UPF2: variants seen among roughly 807,000 people sequenced by gnomAD.
UPF2 encodes the protein UPF2 regulator of nonsense mediated mRNA decay.
UPF2 carries 17 observed loss-of-function variants against 141.4 expected under a neutral mutation model. The observed-to-expected ratio is 0.12, with a 90% confidence interval of 0.08 to 0.18. The LOEUF (loss-of-function observed/expected upper bound fraction) is 0.18. UPF2 is among the 10% of genes least tolerant of loss of function. The probability of loss-of-function intolerance (pLI) is 1.00; values close to 1 mark genes in which losing one functional copy is unlikely to be tolerated. For synonymous variants in UPF2, 540 were observed against 498.0 expected, an observed-to-expected ratio of 1.08 and a Z score of -1.12; for missense variants, 1,152 against 1,515.9, an observed-to-expected ratio of 0.76 and a Z score of 3.99.
At position 11,953,299 on chromosome 10, in the gene UPF2, C is replaced by T. The variant is rs557551355; in HGVS notation, c.2851-1050G>A. ...AGAAATGTAGAATCTCAGGCCTCCC[C>T]CTAGGTCAACTGAATCAGAATCTGC... On this transcript the variant is annotated intron_variant, in intron 14 of 21. Transcript: ENST00000357604. The surrounding 1 kb of genome is among the most constrained non-coding windows in gnomAD (Gnocchi z 5.0). 6.6e-6 allele frequency among the ~76,000 whole-genome samples: 1 copy of T among 152,286 alleles called. No homozygotes were observed. Among genetic ancestry groups the T allele is most frequent in the Non-Finnish European group, 1.5e-5 (1 of 68,030 alleles).
chr10:12,000,087 G>A, intron 6 of UPF2, 78 bp from the exon 7 acceptor site: 10 of 1,244,238 alleles, frequency 8.0e-6, no homozygotes, highest in East Asian at 2.5e-5. Flanking sequence ...TGAATTATTT[G>A]GAAAATAGAT....
chr10:11,967,700 C>T (rs1833345045), intron 9 of UPF2, among the ~76,000 whole-genome samples: 1 of 151,786 alleles, frequency 6.6e-6, no homozygotes, highest in Non-Finnish European at 1.5e-5. Context: ...CAGGCGCCCA[C>T]CACCACACCC....
At chr10:11,975,473 C>T (rs1375418767) in intron 9 of UPF2, among the ~76,000 whole-genome samples, 1 of 152,044 alleles carries the variant, frequency 6.6e-6, no homozygotes, top group Non-Finnish European at 1.5e-5. Flanking sequence ...TTTTATATCT[C>T]GCTTTTGAAA....
rs1018460740 is a variant in UPF2, at chr10:11,955,319, G to A, written c.2763C>T (p.Leu921=). ...CACATGTGTCCAGAATAGTGCATAC[G>A]AGTCTAATTCTGAAAAGATGCTCAG... The part of the protein sequence containing the change: ...DPPEHLFRIR[L]VCTILDTCGQ... Residue 921 remains leucine (L), a synonymous_variant, in exon 14 of 22, where the codon CTC becomes CTT. Coordinates refer to ENST00000357604, the MANE Select transcript of UPF2 (RefSeq NM_015542.4). 8.1e-6 allele frequency: 13 copies of A among 1,613,982 alleles called. No individual in the cohort carries two copies. Among genetic ancestry groups the A allele is most frequent in the African/African-American group, 1.3e-5 (1 of 74,878 alleles).
intron 8 of UPF2, among the ~76,000 whole-genome samples, chr10:11,994,709 G>T (rs1315684468): frequency 6.6e-6 from 1 of 152,162 alleles, no homozygotes; most frequent in Admixed American, 6.5e-5. Flanking sequence ...AAGAGTGATA[G>T]TTTCCGCCTG....
chr10:11,973,855 C>T (rs565021932), intron 9 of UPF2, among the ~76,000 whole-genome samples: 102 of 152,238 alleles, frequency 6.7e-4, no homozygotes, highest in African/African-American at 2.5e-3. Context: ...TTAGGATTGT[C>T]TTGGCAATGC....
At chr10:12,027,399 T>C (rs1351745490) in intron 3 of UPF2, among the ~76,000 whole-genome samples, 1 of 152,192 alleles carries the variant, frequency 6.6e-6, no homozygotes, top group South Asian at 2.1e-4. Context: ...ACTATTAGCA[T>C]ACTCACAAAT....
At chr10:11,952,443 A>T (rs985092730) in intron 14 of UPF2, among the ~76,000 whole-genome samples, 194 bp from the exon 15 acceptor site, 7 of 146,068 alleles carry the variant, frequency 4.8e-5, no homozygotes, top group African/African-American at 1.8e-4. Flanking sequence ...ACAGGTCTTG[A>T]GCTATTTGGT....
At chr10:11,982,867 C>T (rs965205558) in intron 8 of UPF2, among the ~76,000 whole-genome samples, 1 of 152,122 alleles carries the variant, frequency 6.6e-6, no homozygotes, top group South Asian at 2.1e-4. Flanking sequence ...CGATCCACCC[C>T]CCTCAGCCTC....
In UPF2 at chr10:11,956,146, C is replaced by CA. The variant is rs541233909; in HGVS notation, c.2574+173dup. 0.16 allele frequency among the ~76,000 whole-genome samples: 13,311 copies of CA among 85,286 alleles called. 734 individuals are homozygous for CA. Among genetic ancestry groups the CA allele is most frequent in the Non-Finnish European group, 0.2 (8,767 of 43,230 alleles). 56.0% of individuals were successfully genotyped at this position (85,286 alleles called of 152,430 possible). A position where few individuals can be genotyped will look rare whatever the true frequency, so the allele number is the denominator to read the frequency against. ...TGGGTGACACAGCGAGACTCAGTCT[C>CA]AAAAAAAAAAAAAAAAGAGGAAAGT... On this transcript the variant is annotated intron_variant, in intron 13 of 21. Coordinates refer to ENST00000357604, the MANE Select transcript of UPF2 (RefSeq NM_015542.4). This position sits in a 1 kb window ranked among gnomAD's most constrained non-coding sequence, Gnocchi z 4.2.
intron 10 of UPF2, among the ~76,000 whole-genome samples, chr10:11,966,433 C>T (rs1833320974): frequency 6.6e-6 from 1 of 151,442 alleles, no homozygotes; most frequent in Non-Finnish European, 1.5e-5. Flanking sequence ...TTCTTTTTTT[C>T]TTTTTTTTGA....
chr10:11,999,512 C>CAAAAA (rs1325502291), intron 7 of UPF2, among the ~76,000 whole-genome samples: 5 of 100,360 alleles, frequency 5.0e-5, no homozygotes, highest in African/African-American at 9.9e-5. Flanking sequence ...GACTCCATCT[C>CAAAAA]AAAAAAAAAA....
chr10:11,955,622 G>T, intron 13 of UPF2, 115 bp from the exon 14 acceptor site: 1 of 1,024,482 alleles, frequency 9.8e-7, no homozygotes, highest in Non-Finnish European at 1.4e-6. Flanking sequence ...ACTGAATAGA[G>T]AAATGACAGA....
intron 3 of UPF2, among the ~76,000 whole-genome samples, chr10:12,018,638 G>T (rs531785987): frequency 6.6e-6 from 1 of 151,938 alleles, no homozygotes; most frequent in Non-Finnish European, 1.5e-5. Flanking sequence ...TACAGTCCTA[G>T]CTACTCAGGA....
intron 8 of UPF2, among the ~76,000 whole-genome samples, chr10:11,989,335 T>C (rs1833743138): frequency 6.6e-6 from 1 of 152,186 alleles, no homozygotes; most frequent in Admixed American, 6.5e-5. Flanking sequence ...AATATGAAAA[T>C]GTGCCAGGCA....
At chr10:11,999,498 G>A (rs1440999495) in intron 7 of UPF2, among the ~76,000 whole-genome samples, 1 of 129,478 alleles carries the variant, frequency 7.7e-6, no homozygotes, top group Admixed American at 8.1e-5. Flanking sequence ...AGGCGAAAGA[G>A]TGAGACTCCA....
In UPF2 at chr10:11,936,764, T is replaced by C; in HGVS notation, c.3379-52A>G. 1 of 1,484,572 alleles carries C rather than the reference T, an allele frequency of 6.7e-7. No homozygotes were observed. Among genetic ancestry groups the C allele is most frequent in the South Asian group, 1.4e-5 (1 of 69,806 alleles). The allele number at this position is 1,484,572 out of a possible 1,614,324, so 92.0% of individuals were successfully genotyped here. On this transcript the variant is annotated intron_variant, in intron 18 of 21. Transcript: ENST00000357604. This position sits in a 1 kb window ranked among gnomAD's most constrained non-coding sequence, Gnocchi z 6.6. ...AAACACTCCAAGATATATACGGATA[T>C]ATGTCAATATAAATTGCAAACTCAT...
At chr10:12,011,467 G>A (rs1047600392) in intron 4 of UPF2, among the ~76,000 whole-genome samples, 10 of 151,884 alleles carry the variant, frequency 6.6e-5, no homozygotes, top group South Asian at 2.1e-4. Context: ...GCTTGGTGGC[G>A]CATATCTGTA....
At chr10:12,004,815 C>G (rs769928015) in intron 4 of UPF2, 88 bp from the exon 5 acceptor site, 41 of 1,304,756 alleles carry the variant, frequency 3.1e-5, no homozygotes, top group Non-Finnish European at 4.3e-5. Flanking sequence ...AGTTTTACAT[C>G]TATTGAATCT....
Sources: gnomAD v4.1 joint callset for allele counts (sites outside exome capture counted in the v4.1 genomes callset) on GRCh38, gnomAD v4.1.1 for gene constraint, Gnocchi (gnomAD v3.1) non-coding constraint, MANE v1.5 for transcripts, NCBI Gene and HGNC (gene_info 2026-07-23, HGNC 2026-07-21) for gene names.